The following POR variants were observed in gnomAD, a reference collection of about 807,000 sequenced individuals.
POR encodes the protein NADPH--cytochrome P450 reductase.
A neutral mutation model predicts 84.0 loss-of-function variants in POR; 56 were observed. The ratio of observed to expected loss-of-function variants is 0.67; its 90% CI spans 0.54 to 0.83. The LOEUF (loss-of-function observed/expected upper bound fraction) is 0.83, where lower values mean the gene tolerates loss of function less well. POR is among the 40% of genes least tolerant of loss of function. The pLI is 0.00. For synonymous variants in POR, 414 were observed against 400.5 expected (o/e 1.03, Z -0.40); for missense variants, 938 against 944.3 (o/e 0.99, Z 0.09).
At chr7:75,946,185 T>C (rs948960391) in intron 1 of POR, among the ~76,000 whole-genome samples, 2 of 152,122 alleles carry the variant, frequency 1.3e-5, no homozygotes, top group Non-Finnish European at 2.9e-5. Context: ...TATTTTATAA[T>C]AATGAAAACA....
rs373478392 is a variant in POR, at chr7:75,917,383, CTT to C, written c.-5+2221_-5+2222del. ...GTTCCTGGCTTTCTTATTTCTTCTTCTTTTTTTTTTTTTTTTTTCTGATGGAA... is the reference window on the plus strand; with the variant it reads ...GTTCCTGGCTTTCTTATTTCTTCTTCTTTTTTTTTTTTTTTTCTGATGGAA... On this transcript the variant is annotated intron_variant, in intron 1 of 15. Coordinates refer to ENST00000461988, the MANE Select transcript of POR (RefSeq NM_000941.3). Among the ~76,000 whole-genome samples, 10 of 115,238 alleles carry C rather than the reference CTT, an allele frequency of 8.7e-5. No individual in the cohort carries two copies. In the East Asian group the frequency reaches 1.8e-3, roughly 20 times the overall value. 75.6% of individuals were successfully genotyped at this position (115,238 alleles called of 152,430 possible).
intron 1 of POR, among the ~76,000 whole-genome samples, chr7:75,944,343 A>G (rs1787083049): frequency 6.6e-6 from 1 of 152,206 alleles, no homozygotes; most frequent in South Asian, 2.1e-4. Flanking sequence ...CCCCAGCAAC[A>G]TGGTGAGACC....
chr7:75,944,731 C>T (rs1195571331), intron 1 of POR, among the ~76,000 whole-genome samples: 1 of 152,036 alleles, frequency 6.6e-6, no homozygotes, highest in Non-Finnish European at 1.5e-5. Flanking sequence ...TGTCTTAGAA[C>T]CGAAATATAC....
rs782200489 is a variant in POR at position 75,983,826 on chromosome 7, G to A, written c.1036G>A (p.Asp346Asn). 1 of 1,611,262 alleles carries A rather than the reference G, an allele frequency of 6.2e-7. No individual in the cohort carries two copies. Among genetic ancestry groups the A allele is most frequent in the South Asian group, 1.1e-5 (1 of 90,868 alleles). ...GGGCAAAATCCTGGGTGCCGACCTG[G>A]ACGTCGTCATGTCCCTGAACAACCT... is the stretch of plus-strand genomic sequence containing the variant. The change falls in exon 10 of 16, where the codon GAC becomes AAC. Residue 346 changes from aspartate to asparagine, a missense_variant. Physicochemically the swap from Asp to Asn is conservative, Grantham distance 23 (BLOSUM62 1). Transcript: ENST00000461988.
intron 2 of POR, among the ~76,000 whole-genome samples, chr7:75,960,548 C>T (rs1787891368): frequency 6.6e-6 from 1 of 152,004 alleles, no homozygotes; most frequent in Non-Finnish European, 1.5e-5. Context: ...TGGCCTCAAG[C>T]AGTCTCCCTG....
chr7:75,960,105 A>G (rs1554554270), intron 2 of POR, among the ~76,000 whole-genome samples: 3 of 152,000 alleles, frequency 2.0e-5, no homozygotes, highest in African/African-American at 4.8e-5. Flanking sequence ...GCCTGGCAAC[A>G]TGACGAAACC....
chr7:75,981,199 C>T, intron 6 of POR, 27 bp downstream of exon 6: 1 of 1,519,166 alleles, frequency 6.6e-7, no homozygotes, highest in Non-Finnish European at 8.9e-7. Flanking sequence ...CCACCATGAT[C>T]AGCGCGGCGG....
chr7:75,929,020 G>C (rs1277956230), intron 1 of POR, among the ~76,000 whole-genome samples: 1 of 152,118 alleles, frequency 6.6e-6, no homozygotes, highest in Non-Finnish European at 1.5e-5. Context: ...TGTCTTCCTT[G>C]TAAGACAACA....
At chr7:75,923,888 CAAAAAAA>C (rs563267608) in intron 1 of POR, among the ~76,000 whole-genome samples, 7 of 101,134 alleles carry the variant, frequency 6.9e-5, no homozygotes, top group Admixed American at 1.1e-4. Flanking sequence ...AACTCCATCT[CAAAAAAA>C]AAAAAAAAGA....
At chr7:75,923,258 G>A in intron 1 of POR, 1 of 1,210,636 alleles carries the variant, frequency 8.3e-7, no homozygotes, top group Admixed American at 1.7e-5. Context: ...TCTTTTGCTT[G>A]GAAGACCTCA....
chr7:75,980,406 A>AGG lies in POR; in HGVS notation c.436_437dup (p.Asp147GlufsTer111). 1 of 1,613,278 alleles carries AGG rather than the reference A, an allele frequency of 6.2e-7. No individual in the cohort carries two copies. Among genetic ancestry groups the AGG allele is most frequent in the Non-Finnish European group, 8.5e-7 (1 of 1,179,858 alleles). Reference sequence around the variant, plus strand: ...GTTTTCTGCATGGCCACCTACGGTGAGGGAGACCCCACCGACAATGCCCAG... The same window carrying AGG: ...GTTTTCTGCATGGCCACCTACGGTGAGGGGGAGACCCCACCGACAATGCCCAG... On this transcript the variant is annotated frameshift_variant, in exon 5 of 16. Transcript: ENST00000461988. LOFTEE classifies it high-confidence loss of function.
chr7:75,956,085 G>A (rs1787673451), intron 2 of POR, among the ~76,000 whole-genome samples: 1 of 152,156 alleles, frequency 6.6e-6, no homozygotes, highest in South Asian at 2.1e-4. Context: ...AATCACTTGA[G>A]GTCAGGAGTT....
Position 75,932,355 on chromosome 7 carries a change from A to G in POR, c.-5+17176A>G, listed in dbSNP as rs984479839. ...ACCAACACGCCCAGCTAATTGTTGT[A>G]TTGTTTTATAGAAACAGGGATTTGT... On this transcript the variant is annotated intron_variant, in intron 1 of 15. Transcript: ENST00000461988. Among the ~76,000 whole-genome samples, 23 of 151,938 alleles carry G rather than the reference A, an allele frequency of 1.5e-4. 1 individual carries two copies. Among genetic ancestry groups the G allele is most frequent in the African/African-American group, 4.6e-4 (19 of 41,358 alleles).
At chr7:75,949,500 TG>T (rs1787320909) in intron 1 of POR, among the ~76,000 whole-genome samples, 1 of 150,376 alleles carries the variant, frequency 6.6e-6, no homozygotes, top group African/African-American at 2.5e-5. Flanking sequence ...TCTCAGGGTT[TG>T]TTGTTGTTGT....
At chr7:75,957,748 A>G (rs1787749429) in intron 2 of POR, among the ~76,000 whole-genome samples, 1 of 152,100 alleles carries the variant, frequency 6.6e-6, no homozygotes, top group Non-Finnish European at 1.5e-5. Flanking sequence ...CCTAATCATG[A>G]TCTTCTAACC....
At chr7:75,923,449 C>G (rs142692609) in intron 1 of POR, 1 of 559,224 alleles carries the variant, frequency 1.8e-6, no homozygotes, top group East Asian at 2.9e-5. Context: ...TGAACTAGAG[C>G]CAGGTGCCAA....
At chr7:75,925,129 C>G (rs1554549308) in intron 1 of POR, among the ~76,000 whole-genome samples, 1 of 152,158 alleles carries the variant, frequency 6.6e-6, no homozygotes, top group South Asian at 2.1e-4. Flanking sequence ...GCACACAGCT[C>G]TGCCCAGAGC....
At chr7:75,953,873 G>A in intron 1 of POR, 116 bp from the exon 2 acceptor site, 1 of 792,770 alleles carries the variant, frequency 1.3e-6, no homozygotes, top group Non-Finnish European at 2.0e-6. Context: ...ACCCCGTGCA[G>A]TGACCATTTC....
intron 3 of POR, among the ~76,000 whole-genome samples, chr7:75,978,933 A>C (rs1307399233): frequency 6.6e-6 from 1 of 151,946 alleles, no homozygotes; most frequent in Non-Finnish European, 1.5e-5. Context: ...AGTAACTGGG[A>C]TTACAGGTGC....
Sources: allele counts gnomAD v4.1 joint callset (sites outside exome capture counted in the v4.1 genomes callset), GRCh38; gene constraint gnomAD v4.1.1; transcripts MANE v1.5; gene names NCBI Gene and HGNC (gene_info 2026-07-23, HGNC 2026-07-21).